ITGA1: variants seen among roughly 807,000 people sequenced by gnomAD.
ITGA1 encodes the protein integrin subunit alpha 1.
Under a neutral mutation model 145.9 loss-of-function variants are expected in ITGA1, and 85 were observed. The observed-to-expected ratio is 0.58, with a 90% CI of 0.49 to 0.70. The LOEUF (loss-of-function observed/expected upper bound fraction) is 0.70. Ranked by LOEUF, ITGA1 falls within the 30% of genes least tolerant of loss-of-function variation. ITGA1 has a pLI of 0.00. For missense variants in ITGA1, 1,351 were observed against 1,418.7 expected, an observed-to-expected ratio of 0.95 and a Z score of 0.77; for synonymous variants, 520 against 495.3, an observed-to-expected ratio of 1.05 and a Z score of -0.66.
chr5:52,898,366 C>T lies in ITGA1; in HGVS notation c.1292C>T (p.Pro431Leu), dbSNP rs753843200. Reference sequence around the variant, plus strand: ...GTTGAGTCTACCAAAAAGAATGAACCGCTTGCTTCTTATTTAGGTAAGGTT... The same window carrying T: ...GTTGAGTCTACCAAAAAGAATGAACTGCTTGCTTCTTATTTAGGTAAGGTT... ...FNVESTKKNE[P>L]LASYLGYTVN... The change falls in exon 11 of 29, where the codon CCG becomes CTG. Residue 431 changes from proline to leucine, a missense_variant. Pro to Leu is a moderately conservative substitution (Grantham distance 98, BLOSUM62 -3). Transcript: ENST00000282588. 3.2e-5 allele frequency: 51 copies of T among 1,596,268 alleles called. No homozygotes were observed. The highest frequency in any genetic ancestry group is 1.6e-4 in the Admixed American group (9 of 55,966).
At position 52,925,271 on chromosome 5, in the gene ITGA1, A is replaced by T. The variant is rs763522544; in HGVS notation, c.2404-7A>T. 2 of 1,611,218 alleles carry T rather than the reference A, an allele frequency of 1.2e-6. No individual in the cohort carries two copies. The highest frequency in any genetic ancestry group is 2.2e-5 in the East Asian group (1 of 44,842). ...TTTTGAAAAATTCTTTCCTGTCATC[A>T]TTTCAGATTCCCTTTGCCAAAGATT... On this transcript the variant is annotated splice_polypyrimidine_tract_variant and splice_region_variant and intron_variant, in intron 18 of 28. Transcript: ENST00000282588.
chr5:52,867,754 C>T (rs1324863714), intron 6 of ITGA1, among the ~76,000 whole-genome samples: 1 of 152,028 alleles, frequency 6.6e-6, no homozygotes, highest in Non-Finnish European at 1.5e-5. Flanking sequence ...ATGAAGGAGA[C>T]ACGAGAGGCT....
At chr5:52,804,109 A>G (rs1748544435) in intron 1 of ITGA1, 1 of 152,178 alleles carries the variant, frequency 6.6e-6, no homozygotes, top group African/African-American at 2.4e-5. Context: ...TAATGATAGG[A>G]GCAAATTAAA....
At chr5:52,909,293 A>G (rs373748867) in intron 13 of ITGA1, among the ~76,000 whole-genome samples, 57 of 152,272 alleles carry the variant, frequency 3.7e-4, no homozygotes, top group African/African-American at 1.3e-3. Flanking sequence ...GGAGGTAAAT[A>G]TAAATCTCAC....
intron 1 of ITGA1, among the ~76,000 whole-genome samples, chr5:52,839,319 T>C (rs1179807483): frequency 6.6e-6 from 1 of 152,228 alleles, no homozygotes; most frequent in African/African-American, 2.4e-5. Context: ...TTTGAATATG[T>C]TTTTTGTTTT....
intron 1 of ITGA1, among the ~76,000 whole-genome samples, chr5:52,792,079 G>A (rs550236622): frequency 6.6e-6 from 1 of 152,276 alleles, no homozygotes; most frequent in East Asian, 1.9e-4. Context: ...ATTTTTAGGT[G>A]TACAGCATTA....
chr5:52,904,792 G>A (rs1380273673), intron 11 of ITGA1: 2 of 150,820 alleles, frequency 1.3e-5, no homozygotes, highest in East Asian at 3.9e-4. Context: ...GGCGGAGCTT[G>A]CAGTGAGCCG....
Position 52,788,326 on chromosome 5 carries a change from GC to G in ITGA1, c.-23del, listed in dbSNP as rs1229537581. The G allele has an allele frequency of 6.7e-7, 1 of 1,488,636 alleles. No individual in the cohort carries two copies. The highest frequency in any genetic ancestry group is 1.3e-5 in the South Asian group (1 of 79,442). The allele number at this position is 1,488,636 out of a possible 1,614,324, so 92.2% of individuals were successfully genotyped here. On this transcript the variant is annotated 5_prime_UTR_variant, in exon 1 of 29. Coordinates refer to ENST00000282588, the MANE Select transcript of ITGA1 (RefSeq NM_181501.2). ...CGGTCCTGCCCTGCGAACCAGCGCG[GC>G]CCCCTGGCGCTGAGGCTGCTCCGGC...
At chr5:52,911,408 G>A (rs868212206) in intron 14 of ITGA1, among the ~76,000 whole-genome samples, 1 of 131,094 alleles carries the variant, frequency 7.6e-6, no homozygotes, top group Non-Finnish European at 1.6e-5. Flanking sequence ...ATAGTATATA[G>A]TGTATATACA....
At chr5:52,850,910 G>A (rs1392305269) in intron 2 of ITGA1, among the ~76,000 whole-genome samples, 1 of 152,076 alleles carries the variant, frequency 6.6e-6, no homozygotes, top group South Asian at 2.1e-4. Context: ...TTCAATTCAG[G>A]TACCTCTGGG....
At chr5:52,801,792 T>TC in intron 1 of ITGA1, 1 of 1,613,584 alleles carries the variant, frequency 6.2e-7, no homozygotes, top group Non-Finnish European at 8.5e-7. Context: ...GCTTCCCTGT[T>TC]CCCGAACTTT....
intron 1 of ITGA1, among the ~76,000 whole-genome samples, chr5:52,828,987 T>C (rs1358342242): frequency 6.6e-6 from 1 of 152,188 alleles, no homozygotes; most frequent in African/African-American, 2.4e-5. Flanking sequence ...CTCTCCTTTC[T>C]CTTATAAGAT....
chr5:52,923,431 A>G lies in ITGA1; in HGVS notation c.2403+544A>G, dbSNP rs76143513. On this transcript the variant is annotated intron_variant, in intron 18 of 28. Transcript: ENST00000282588. ...ACCTACAGATAAATAGACTAGAAAAAAAAAAACTGTTTAAGAAAAAATAAT... is the reference window on the plus strand; with the variant it reads ...ACCTACAGATAAATAGACTAGAAAAGAAAAAACTGTTTAAGAAAAAATAAT... 1.7e-3 allele frequency among the ~76,000 whole-genome samples: 258 copies of G among 152,278 alleles called. 1 individual carries two copies. Among genetic ancestry groups the G allele is most frequent in the African/African-American group, 6.1e-3 (253 of 41,574 alleles).
In ITGA1 at chr5:52,929,649, T is replaced by C. The variant is rs1361429558; in HGVS notation, c.2719T>C (p.Phe907Leu). Residue 907 changes from phenylalanine (F) to leucine (L), a missense_variant, in exon 21 of 29, where the codon TTT becomes CTT. Physicochemically the swap from Phe to Leu is conservative, Grantham distance 22 (BLOSUM62 0). Transcript: ENST00000282588. The part of the protein sequence containing the change: ...EMVTFKILFQ[F>L]NTSYLMENVT... ...GGTAACTTTCAAAATATTGTTTCAG[T>C]TTAACACATCCTATCTCATGGAAAA... The C allele has an allele frequency of 5.0e-6, 8 of 1,588,010 alleles. No individual in the cohort carries two copies. Among genetic ancestry groups the C allele is most frequent in the Admixed American group, 1.7e-5 (1 of 58,582 alleles).
At position 52,788,669 on chromosome 5, in the gene ITGA1, G is replaced by T. The variant is rs1002941302; in HGVS notation, c.61+255G>T. Reference sequence around the variant, plus strand: ...TGAGGCAGCACTGAAAACCTTAGAAGGTAGAATTCACTTTTAAAATTAAAG... The same window carrying T: ...TGAGGCAGCACTGAAAACCTTAGAATGTAGAATTCACTTTTAAAATTAAAG... On this transcript the variant is annotated intron_variant, in intron 1 of 28. Transcript: ENST00000282588. 1.3e-5 allele frequency among the ~76,000 whole-genome samples: 2 copies of T among 152,158 alleles called. 1 individual carries two copies. Among genetic ancestry groups the T allele is most frequent in the South Asian group, 4.1e-4 (2 of 4,828 alleles).
At chr5:52,949,191 C>T (rs193053578) in intron 28 of ITGA1, among the ~76,000 whole-genome samples, 1 of 152,322 alleles carries the variant, frequency 6.6e-6, no homozygotes, top group Non-Finnish European at 1.5e-5. Context: ...AAGAAACTAG[C>T]TCTTATCGAA....
At chr5:52,799,125 G>A (rs1748402134) in intron 1 of ITGA1, among the ~76,000 whole-genome samples, 1 of 152,166 alleles carries the variant, frequency 6.6e-6, no homozygotes, top group Non-Finnish European at 1.5e-5. Context: ...AGCTATGTGT[G>A]CAGGACTTCT....
At chr5:52,948,020 T>A (rs1475230033) in intron 28 of ITGA1, among the ~76,000 whole-genome samples, 1 of 152,102 alleles carries the variant, frequency 6.6e-6, no homozygotes, top group Non-Finnish European at 1.5e-5. Context: ...GTAGGGGAGA[T>A]CTTAAAGTTT....
chr5:52,950,587 A>T lies in ITGA1; in HGVS notation c.3496-1820A>T, dbSNP rs1361551975. ...TGAAAACAAACTCTATTGGTTTCAA[A>T]TTTGGGCTAGGATTGGCCCAGTCCA... On this transcript the variant is annotated intron_variant, in intron 28 of 28. Coordinates refer to ENST00000282588, the MANE Select transcript of ITGA1 (RefSeq NM_181501.2). 3.9e-5 allele frequency among the ~76,000 whole-genome samples: 6 copies of T among 152,304 alleles called. No individual in the cohort carries two copies. In the East Asian group the frequency reaches 1.2e-3, roughly 29 times the overall value.
Sources: gnomAD v4.1 joint callset for allele counts (sites outside exome capture counted in the v4.1 genomes callset) on GRCh38, gnomAD v4.1.1 for gene constraint, MANE v1.5 for transcripts, NCBI Gene and HGNC (gene_info 2026-07-23, HGNC 2026-07-21) for gene names.